The following UNC80 variants were observed in gnomAD, a reference collection of about 807,000 sequenced individuals.
UNC80 encodes protein unc-80 homolog.
UNC80 carries 164 observed loss-of-function variants against 384.6 expected under a neutral mutation model. The observed-to-expected ratio is 0.43, with a 90% confidence interval of 0.38 to 0.49. The LOEUF (loss-of-function observed/expected upper bound fraction) is 0.49. Ranked by LOEUF, UNC80 falls within the 20% of genes least tolerant of loss-of-function variation. The pLI is 0.00. For missense variants in UNC80, 3,330 were observed against 4,143.0 expected (o/e 0.80, Z 5.39); for synonymous variants, 1,486 against 1,527.8 (o/e 0.97, Z 0.64).
At chr2:209,931,643 T>A (rs965191313) in intron 38 of UNC80, among the ~76,000 whole-genome samples, 20 of 152,276 alleles carry the variant, frequency 1.3e-4, no homozygotes, top group African/African-American at 3.1e-4. Flanking sequence ...ATAGCCAAAT[T>A]AATGTCTGTG....
At chr2:209,797,517 G>C (rs2078239921) in intron 7 of UNC80, among the ~76,000 whole-genome samples, 1 of 152,084 alleles carries the variant, frequency 6.6e-6, no homozygotes, top group Non-Finnish European at 1.5e-5. Context: ...TCCTTTCTGT[G>C]GTTGCATACT....
intron 16 of UNC80, among the ~76,000 whole-genome samples, chr2:209,832,583 G>A (rs1406564736): frequency 6.6e-6 from 1 of 152,140 alleles, no homozygotes; most frequent in East Asian, 1.9e-4. Flanking sequence ...CACTTAACTT[G>A]AGATAAAATC....
chr2:209,855,881 C>G (rs1331690525), intron 22 of UNC80, among the ~76,000 whole-genome samples: 1 of 151,982 alleles, frequency 6.6e-6, no homozygotes, highest in Non-Finnish European at 1.5e-5. Flanking sequence ...ATTTATATGT[C>G]CACTCTATGT....
intron 50 of UNC80, among the ~76,000 whole-genome samples, 156 bp downstream of exon 50, chr2:209,959,310 A>G (rs567086302): frequency 2.6e-5 from 4 of 152,324 alleles, no homozygotes. Context: ...TTGGGATGAC[A>G]GTCTCTTCTA....
chr2:209,774,068 A>C (rs1298304525), intron 2 of UNC80, among the ~76,000 whole-genome samples: 1 of 152,188 alleles, frequency 6.6e-6, no homozygotes, highest in African/African-American at 2.4e-5. Flanking sequence ...ATGGAAATCT[A>C]CCAATTTGGA....
At chr2:209,878,208 T>C (rs1057119912) in intron 24 of UNC80, 119 bp downstream of exon 24, 3 of 1,069,320 alleles carry the variant, frequency 2.8e-6, no homozygotes, top group Non-Finnish European at 3.7e-6. Context: ...TTTCCACTGC[T>C]CCTTCTCCCC....
At chr2:209,968,168 A>G (rs1245519981) in intron 52 of UNC80, 1 of 152,672 alleles carries the variant, frequency 6.5e-6, no homozygotes, top group Non-Finnish European at 1.5e-5. Context: ...AATGAACACT[A>G]TTAATGCTTG....
chr2:209,944,544 A>G (rs1360186024), intron 45 of UNC80, among the ~76,000 whole-genome samples: 2 of 152,186 alleles, frequency 1.3e-5, no homozygotes, highest in East Asian at 1.9e-4. Context: ...TGCTTGGCAC[A>G]GAAGAACATC....
chr2:209,983,676 G>T (rs1341821530), intron 60 of UNC80, among the ~76,000 whole-genome samples: 1 of 152,008 alleles, frequency 6.6e-6, no homozygotes, highest in East Asian at 1.9e-4. Context: ...TAGAATTGTA[G>T]AAATTTCATA....
intron 7 of UNC80, among the ~76,000 whole-genome samples, chr2:209,797,055 A>G (rs1024056104): frequency 3.3e-5 from 5 of 152,200 alleles, no homozygotes; most frequent in Non-Finnish European, 5.9e-5. Context: ...CATTTCATAT[A>G]AATGAATTCA....
intron 49 of UNC80, among the ~76,000 whole-genome samples, chr2:209,958,103 G>A (rs995716330): frequency 6.6e-6 from 1 of 152,134 alleles, no homozygotes; most frequent in African/African-American, 2.4e-5. Flanking sequence ...GGCACTCAGA[G>A]TCAACTTACT....
intron 48 of UNC80, chr2:209,954,565 G>C (rs1170676256): frequency 4.7e-6 from 1 of 214,904 alleles, no homozygotes; most frequent in Non-Finnish European, 9.1e-6. Context: ...TTATAACCCA[G>C]TGGTAAACAC....
rs1291157256 is a variant in UNC80, at chr2:209,813,746, A to G, written c.1105A>G (p.Lys369Glu). 1.9e-6 allele frequency: 3 copies of G among 1,551,792 alleles called. No homozygotes were observed. Among genetic ancestry groups the G allele is most frequent in the Admixed American group, 2.0e-5 (1 of 51,002 alleles). ...LRHMLEEKPEKPPEPDIPLLP... is the reference protein window; with the variant it reads ...LRHMLEEKPEEPPEPDIPLLP... ...ACACATGTTGGAAGAGAAGCCAGAA[A>G]AGCCTCCGGAGCCAGATATTCCTCT... Residue 369 changes from lysine to glutamate, a missense_variant, in exon 8 of 65, where the codon AAG (lysine) becomes GAG (glutamate). Physicochemically the swap from Lys to Glu is moderately conservative, Grantham distance 56. Transcript: ENST00000673920.
chr2:209,821,207 G>A (rs192315668), intron 13 of UNC80, among the ~76,000 whole-genome samples: 2 of 152,188 alleles, frequency 1.3e-5, no homozygotes, highest in Admixed American at 1.3e-4. Context: ...TTCTCATGTG[G>A]CCTCTTCTTT....
intron 55 of UNC80, among the ~76,000 whole-genome samples, chr2:209,972,542 AT>A (rs1175816635): frequency 6.6e-6 from 1 of 152,196 alleles, no homozygotes; most frequent in East Asian, 1.9e-4. Context: ...GATACGTCCT[AT>A]TTAAAGTCAT....
intron 60 of UNC80, among the ~76,000 whole-genome samples, chr2:209,983,206 A>G (rs2093201816): frequency 6.6e-6 from 1 of 152,186 alleles, no homozygotes; most frequent in Non-Finnish European, 1.5e-5. Flanking sequence ...AAACCAGTTT[A>G]TATGTAGGAA....
At chr2:209,941,153 G>T in intron 43 of UNC80, 68 bp from the exon 44 acceptor site, 1 of 1,428,888 alleles carries the variant, frequency 7.0e-7, no homozygotes, top group Non-Finnish European at 9.3e-7. Context: ...CCTTGGGTTT[G>T]ATCACCTCTC....
chr2:209,941,354 C>T lies in UNC80; in HGVS notation c.6780C>T (p.Asn2260=), dbSNP rs533329987. The change falls in exon 44 of 65, where the codon AAC becomes AAT. Residue 2260 remains asparagine, a synonymous_variant. Transcript: ENST00000673920. ...TCATGCTTTTCCTCAACGTTTTTAA[C>T]GGGGCTCTGATCCTCCACCCGGAAG... ...DEIMLFLNVF[N]GALILHPEDS... 29 of 1,551,248 alleles carry T rather than the reference C, an allele frequency of 1.9e-5. No individual in the cohort carries two copies. The highest frequency in any genetic ancestry group is 1.7e-4 in the Middle Eastern group (1 of 5,988).
intron 29 of UNC80, among the ~76,000 whole-genome samples, chr2:209,911,450 T>G (rs2088930179): frequency 6.6e-6 from 1 of 152,198 alleles, no homozygotes; most frequent in African/African-American, 2.4e-5. Flanking sequence ...CTGATTCACT[T>G]GTTTTGAAGT....
Sources: allele counts gnomAD v4.1 joint callset (sites outside exome capture counted in the v4.1 genomes callset), GRCh38; gene constraint gnomAD v4.1.1; transcripts MANE v1.5; gene names NCBI Gene and HGNC (gene_info 2026-07-23, HGNC 2026-07-21).